Variants in KLF12 observed in about 807,000 individuals in gnomAD.
KLF12 encodes the protein Krueppel-like factor 12.
A neutral mutation model predicts 37.8 loss-of-function variants in KLF12; 9 were observed. That is an observed-to-expected ratio of 0.24 (90% CI 0.14 to 0.42). The LOEUF is 0.42. KLF12 is among the 10% of genes least tolerant of loss of function. The pLI is 1.00. For synonymous variants in KLF12, 208 were observed against 202.1 expected, an observed-to-expected ratio of 1.03 and a Z score of -0.25; for missense variants, 411 against 516.0, an observed-to-expected ratio of 0.80 and a Z score of 1.97.
rs151281815 is a variant in KLF12, at chr13:74,117,756, C to G, written c.-32+15983G>C. On this transcript the variant is annotated intron_variant, in intron 1 of 7. Transcript: ENST00000377669. The stretch of plus-strand genomic sequence containing the variant: ...TATGTGATATTGTTTTCCAATACCC[C>G]CTAAGCCAGTCTAACCATGAGAAAA... Among the ~76,000 whole-genome samples, 6 of 152,230 alleles carry G rather than the reference C, an allele frequency of 3.9e-5. No homozygotes were observed. In the East Asian group the frequency reaches 7.7e-4, roughly 20 times the overall value.
intron 3 of KLF12, among the ~76,000 whole-genome samples, chr13:73,858,959 G>GA (rs961944671): frequency 6.6e-6 from 1 of 152,052 alleles, no homozygotes; most frequent in Non-Finnish European, 1.5e-5. Context: ...TAAAACGCAG[G>GA]AAAAAAAGCA....
intron 1 of KLF12, among the ~76,000 whole-genome samples, chr13:74,106,837 CTTCCTCTATA>C (rs1310141582): frequency 6.6e-6 from 1 of 151,982 alleles, no homozygotes; most frequent in Non-Finnish European, 1.5e-5. Context: ...CTTTCTTATG[CTTCCTCTATA>C]TTATGATGGT....
At chr13:73,995,329 G>A (rs1303987321) in intron 1 of KLF12, among the ~76,000 whole-genome samples, 2 of 152,118 alleles carry the variant, frequency 1.3e-5, no homozygotes, top group East Asian at 1.9e-4. Flanking sequence ...GGGAGGAAGG[G>A]AGGAGGAGAA....
chr13:74,292,452 CTTTTTT>C, the KLF12 span, among the ~76,000 whole-genome samples: 2 of 136,538 alleles, frequency 1.5e-5, no homozygotes, highest in African/African-American at 5.7e-5. Context: ...GTTTCTTTTT[CTTTTTT>C]TTTTTTTGTA....
At chr13:73,895,196 A>T (rs1887704277) in intron 3 of KLF12, among the ~76,000 whole-genome samples, 1 of 152,080 alleles carries the variant, frequency 6.6e-6, no homozygotes, top group African/African-American at 2.4e-5. Context: ...TTTTTAATTC[A>T]GTTTCTAGAT....
At chr13:74,228,141 C>T in the KLF12 span, among the ~76,000 whole-genome samples, 2 of 152,020 alleles carry the variant, frequency 1.3e-5, no homozygotes, top group African/African-American at 4.8e-5. Flanking sequence ...GTTTATTTTA[C>T]CTGTCTACTT....
the KLF12 span, among the ~76,000 whole-genome samples, chr13:74,192,155 G>C: frequency 5.3e-5 from 8 of 151,834 alleles, no homozygotes; most frequent in Non-Finnish European, 8.8e-5. Flanking sequence ...GGAGTGCCTT[G>C]ACTATTAACT....
chr13:73,717,118 C>T (rs1450559881), intron 6 of KLF12, among the ~76,000 whole-genome samples: 1 of 152,158 alleles, frequency 6.6e-6, no homozygotes, highest in African/African-American at 2.4e-5. Flanking sequence ...ATGAAAGCAG[C>T]TATAGATTAT....
intron 1 of KLF12, among the ~76,000 whole-genome samples, chr13:74,127,970 T>G (rs1210429252): frequency 6.6e-6 from 1 of 152,202 alleles, no homozygotes; most frequent in Non-Finnish European, 1.5e-5. Context: ...AGGGCATTCT[T>G]TTTAATGACC....
At chr13:74,009,468 A>G (rs1224171418) in intron 1 of KLF12, among the ~76,000 whole-genome samples, 2 of 152,144 alleles carry the variant, frequency 1.3e-5, no homozygotes, top group African/African-American at 2.4e-5. Context: ...GTCAGTTCCC[A>G]AAGTCCACAC....
chr13:74,094,685 C>T (rs1408899281), intron 1 of KLF12, among the ~76,000 whole-genome samples: 1 of 151,898 alleles, frequency 6.6e-6, no homozygotes, highest in African/African-American at 2.4e-5. Flanking sequence ...CTGCAACCTC[C>T]GCCTTCCAGG....
intron 2 of KLF12, among the ~76,000 whole-genome samples, chr13:73,979,596 T>C (rs934538905): frequency 5.3e-5 from 8 of 152,082 alleles, no homozygotes; most frequent in Non-Finnish European, 1.0e-4. Context: ...ACTATGAAAT[T>C]GTCAAATCCT....
chr13:74,214,897 C>T, the KLF12 span, among the ~76,000 whole-genome samples: 14 of 152,066 alleles, frequency 9.2e-5, no homozygotes, highest in African/African-American at 3.1e-4. Context: ...CGGGTTCAAG[C>T]GATTCTCCTG....
the KLF12 span, among the ~76,000 whole-genome samples, chr13:74,162,449 A>G: frequency 1.4e-4 from 21 of 152,348 alleles, no homozygotes; most frequent in African/African-American, 5.0e-4. Flanking sequence ...AAATTAGGCC[A>G]GATGCTTAAA....
chr13:73,904,673 T>G (rs1453293781), intron 3 of KLF12, among the ~76,000 whole-genome samples: 1 of 152,148 alleles, frequency 6.6e-6, no homozygotes, highest in East Asian at 1.9e-4. Flanking sequence ...GAGACTATCA[T>G]GTGATTTCAA....
Position 73,781,547 on chromosome 13 carries a change from C to G in KLF12, c.807-16547G>C, listed in dbSNP as rs551249712. Among the ~76,000 whole-genome samples the G allele has an allele frequency of 7.9e-4, 120 of 152,232 alleles. 1 individual carries two copies. The highest frequency in any genetic ancestry group is 7.3e-3 in the Admixed American group (111 of 15,292). On this transcript the variant is annotated intron_variant, in intron 5 of 7. Coordinates refer to ENST00000377669, the MANE Select transcript of KLF12 (RefSeq NM_007249.5). ...AAATAATCAAGACAAACTGAATTTA[C>G]AAAATATGATTAGAGCAGTTTGCTT...
the KLF12 span, among the ~76,000 whole-genome samples, chr13:74,196,722 C>T: frequency 5.9e-5 from 9 of 152,028 alleles, no homozygotes; most frequent in Admixed American, 5.9e-4. Flanking sequence ...CTGTTGACAC[C>T]CTCAGAAGTA....
Position 74,076,057 on chromosome 13 carries a change from T to C in KLF12, c.-32+57682A>G, listed in dbSNP as rs550108660. Among the ~76,000 whole-genome samples, 3 of 152,334 alleles carry C rather than the reference T, an allele frequency of 2.0e-5. No homozygotes were observed. The East Asian group carries it at 5.8e-4, about 29-fold the overall frequency. On this transcript the variant is annotated intron_variant, in intron 1 of 7. Coordinates refer to ENST00000377669, the MANE Select transcript of KLF12 (RefSeq NM_007249.5). ...TACTTTAAAAGTAGGTTTTCTTATG[T>C]TCTAAAATTAATTGTGGTGATGGTT...
intron 5 of KLF12, chr13:73,801,835 G>C (rs1882293248): frequency 6.6e-6 from 1 of 152,098 alleles, no homozygotes; most frequent in Admixed American, 6.6e-5. Context: ...CAAACTGTAA[G>C]TGGCTCATCA....
Sources: gnomAD v4.1 joint callset for allele counts (sites outside exome capture counted in the v4.1 genomes callset) on GRCh38, gnomAD v4.1.1 for gene constraint, MANE v1.5 for transcripts, NCBI Gene and HGNC (gene_info 2026-07-23, HGNC 2026-07-21) for gene names.